Variants in CADPS2 observed in about 807,000 individuals in gnomAD.
The protein encoded by CADPS2 is calcium dependent secretion activator 2.
In CADPS2, 93 loss-of-function variants were observed where a neutral mutation model predicts 172.5. That is an observed-to-expected ratio of 0.54 (90% confidence interval 0.46 to 0.64). The LOEUF is 0.64. Among genes scored for constraint, CADPS2 ranks in the 30% least tolerant of loss-of-function variants. The pLI is 0.00. For synonymous variants in CADPS2, 546 were observed against 555.2 expected (o/e 0.98, Z 0.23); for missense variants, 1,420 against 1,565.9 (o/e 0.91, Z 1.57).
intron 14 of CADPS2, among the ~76,000 whole-genome samples, chr7:122,456,929 A>C (rs1056326148): frequency 6.6e-6 from 1 of 152,232 alleles, no homozygotes; most frequent in Non-Finnish European, 1.5e-5. Context: ...TGCATTCTAA[A>C]ACAAACGCAA....
In CADPS2 at chr7:122,824,468, T is replaced by C. The variant is rs1188140327; in HGVS notation, c.339+61531A>G. 4.6e-5 allele frequency among the ~76,000 whole-genome samples: 7 copies of C among 152,234 alleles called. No individual in the cohort carries two copies. In the East Asian group the frequency reaches 1.3e-3, roughly 29 times the overall value. On this transcript the variant is annotated intron_variant, in intron 1 of 29. Coordinates refer to ENST00000449022, the MANE Select transcript of CADPS2 (RefSeq NM_017954.11). ...CTTCTGGATTCTTGACAATCTGATA[T>C]CTCATTACAGTTTAATTTTTTTGAG...
At chr7:122,457,079 A>T (rs937627976) in intron 14 of CADPS2, among the ~76,000 whole-genome samples, 1 of 152,234 alleles carries the variant, frequency 6.6e-6, no homozygotes. Context: ...TACTCATCCT[A>T]ATCCATTTTC....
chr7:122,613,676 GTTT>G (rs1270924768), intron 6 of CADPS2, among the ~76,000 whole-genome samples: 1 of 145,800 alleles, frequency 6.9e-6, no homozygotes. Flanking sequence ...AAAGGGTACA[GTTT>G]TTTTTTTTTC....
chr7:122,497,710 C>T (rs1019792571), intron 9 of CADPS2, among the ~76,000 whole-genome samples: 1 of 152,156 alleles, frequency 6.6e-6, no homozygotes, highest in South Asian at 2.1e-4. Context: ...ATGACTGCTT[C>T]TTGACTCGCA....
At chr7:122,332,227 T>C (rs6945851) in intron 28 of CADPS2, among the ~76,000 whole-genome samples, 23,034 of 152,076 alleles carry the variant, frequency 0.15, 1,795 homozygotes, top group African/African-American at 0.16. Context: ...GGCTATTAGG[T>C]TATACATCTC....
At chr7:122,819,438 C>T (rs966702267) in intron 1 of CADPS2, among the ~76,000 whole-genome samples, 22 of 152,210 alleles carry the variant, frequency 1.4e-4, no homozygotes, top group African/African-American at 3.6e-4. Flanking sequence ...CCATCACGGA[C>T]GCCAAGCTTC....
intron 23 of CADPS2, among the ~76,000 whole-genome samples, chr7:122,387,809 C>G (rs1341650325): frequency 1.3e-5 from 2 of 151,998 alleles, no homozygotes; most frequent in Non-Finnish European, 2.9e-5. Flanking sequence ...TTTTAAAAAA[C>G]ATTAAACTAC....
rs573292700 is a variant in CADPS2 at position 122,545,147 on chromosome 7, T to C, written c.1475+9403A>G. On this transcript the variant is annotated intron_variant, in intron 8 of 29. Coordinates refer to ENST00000449022, the MANE Select transcript of CADPS2 (RefSeq NM_017954.11). ...GGTAACAAATGTGGAGTAATCTTCA[T>C]GAGGCAGAGGGAGGGCCAGCATCTC... Among the ~76,000 whole-genome samples, 9 of 152,190 alleles carry C rather than the reference T, an allele frequency of 5.9e-5. No homozygotes were observed. The South Asian group carries it at 1.7e-3, about 28-fold the overall frequency.
intron 8 of CADPS2, among the ~76,000 whole-genome samples, chr7:122,524,867 G>T (rs1336080386): frequency 6.6e-6 from 1 of 152,060 alleles, no homozygotes; most frequent in Non-Finnish European, 1.5e-5. Context: ...GTATGTTTGG[G>T]GCTGGGTGTG....
chr7:122,379,962 T>C (rs895778695), intron 24 of CADPS2, among the ~76,000 whole-genome samples: 1 of 152,086 alleles, frequency 6.6e-6, no homozygotes, highest in South Asian at 2.1e-4. Flanking sequence ...ATTCTTACAA[T>C]ATGCTCGAGC....
chr7:122,736,777 G>A (rs2077546311), intron 2 of CADPS2, among the ~76,000 whole-genome samples, 178 bp downstream of exon 2: 1 of 152,104 alleles, frequency 6.6e-6, no homozygotes, highest in Non-Finnish European at 1.5e-5. Context: ...TCAAAACCAG[G>A]CTGTGGAATT....
chr7:122,578,658 T>A lies in CADPS2; in HGVS notation c.1335+2521A>T, dbSNP rs541776541. Among the ~76,000 whole-genome samples, 723 of 152,236 alleles carry A rather than the reference T, an allele frequency of 4.7e-3. 5 individuals are homozygous for A. Among genetic ancestry groups the A allele is most frequent in the African/African-American group, 0.014 (573 of 41,554 alleles). ...GCTACACTATAATGAGGAGTCTGAT[T>A]TTTATTCCAAATAAATTGGAAGACA... On this transcript the variant is annotated intron_variant, in intron 7 of 29. Coordinates refer to ENST00000449022, the MANE Select transcript of CADPS2 (RefSeq NM_017954.11).
chr7:122,320,407 T>A, intron 29 of CADPS2, 69 bp from the exon 30 acceptor site: 1 of 1,239,678 alleles, frequency 8.1e-7, no homozygotes, highest in Non-Finnish European at 1.1e-6. Flanking sequence ...ATATACTCAG[T>A]TGGCATTTCA....
chr7:122,792,978 TC>T (rs1458145101), intron 1 of CADPS2, among the ~76,000 whole-genome samples: 1 of 152,134 alleles, frequency 6.6e-6, no homozygotes, highest in Non-Finnish European at 1.5e-5. Context: ...GTTCAAAGAG[TC>T]CTGAGTGCAA....
At chr7:122,345,918 C>CTTTTTTTTTTTTTTTTTTTTTT (rs71159791) in intron 27 of CADPS2, among the ~76,000 whole-genome samples, 2 of 138,754 alleles carry the variant, frequency 1.4e-5, no homozygotes, top group Non-Finnish European at 3.1e-5. Context: ...CCGTAGATAT[C>CTTTTTTTTTTTTTTTTTTTTTT]TTTTTTTTTT....
At chr7:122,601,591 C>T (rs569205233) in intron 6 of CADPS2, among the ~76,000 whole-genome samples, 3 of 151,926 alleles carry the variant, frequency 2.0e-5, no homozygotes, top group South Asian at 4.2e-4. Context: ...TCTTCTCTTC[C>T]TTAAAAAAAC....
At chr7:122,583,457 TA>T (rs538006272) in intron 6 of CADPS2, among the ~76,000 whole-genome samples, 8 of 151,850 alleles carry the variant, frequency 5.3e-5, no homozygotes, top group Admixed American at 6.6e-5. Context: ...AATTTCTTCT[TA>T]AAAGGAATAT....
intron 8 of CADPS2, among the ~76,000 whole-genome samples, chr7:122,546,050 A>G (rs1297081905): frequency 3.3e-5 from 5 of 152,152 alleles, no homozygotes; most frequent in Admixed American, 1.3e-4. Context: ...CTAATGTACT[A>G]ACCTTAAGGA....
intron 25 of CADPS2, among the ~76,000 whole-genome samples, chr7:122,364,811 T>C (rs1033004330): frequency 2.0e-5 from 3 of 151,976 alleles, no homozygotes; most frequent in African/African-American, 7.3e-5. Flanking sequence ...AACACAACAG[T>C]CTTAGATCTT....
Sources: gnomAD v4.1 joint callset for allele counts (sites outside exome capture counted in the v4.1 genomes callset) on GRCh38, gnomAD v4.1.1 for gene constraint, MANE v1.5 for transcripts, NCBI Gene and HGNC (gene_info 2026-07-23, HGNC 2026-07-21) for gene names.